Variants in RIGI observed in about 807,000 individuals in gnomAD.
The protein encoded by RIGI is RNA sensor RIG-I.
chr9:32,498,989 A>G, the RIGI span, among the ~76,000 whole-genome samples: 114 of 151,214 alleles, frequency 7.5e-4, no homozygotes, highest in Non-Finnish European at 1.3e-3. Flanking sequence ...TCTCAAAAAA[A>G]AAAAAAAAAA....
At chr9:32,457,575 T>C in the RIGI span, among the ~76,000 whole-genome samples, 1 of 151,130 alleles carries the variant, frequency 6.6e-6, no homozygotes, top group Non-Finnish European at 1.5e-5. Context: ...AAAAAATAGA[T>C]TCACCCAAAG....
the RIGI span, among the ~76,000 whole-genome samples, chr9:32,506,760 G>A: frequency 2.0e-5 from 3 of 152,020 alleles, no homozygotes; most frequent in Non-Finnish European, 4.4e-5. Context: ...AGTAATTTGG[G>A]GGAATTTTGT....
chr9:32,504,553 C>G, the RIGI span, among the ~76,000 whole-genome samples: 1 of 151,720 alleles, frequency 6.6e-6, no homozygotes, highest in Admixed American at 6.6e-5. Context: ...TGGCCAGTGC[C>G]TATAATCCCA....
the RIGI span, among the ~76,000 whole-genome samples, chr9:32,492,047 G>A: frequency 6.6e-6 from 1 of 152,186 alleles, no homozygotes; most frequent in African/African-American, 2.4e-5. Flanking sequence ...AAGGGGGTAA[G>A]TCCTGGAGTT....
At chr9:32,482,793 A>G in the RIGI span, among the ~76,000 whole-genome samples, 6 of 151,906 alleles carry the variant, frequency 3.9e-5, no homozygotes, top group Admixed American at 1.3e-4. Context: ...CAGGAGACGG[A>G]GGTTGCAGTG....
the RIGI span, among the ~76,000 whole-genome samples, chr9:32,494,893 T>G: frequency 6.6e-6 from 1 of 152,308 alleles, no homozygotes; most frequent in Middle Eastern, 3.4e-3. Flanking sequence ...CCATTGTATG[T>G]GTATATCACA....
the RIGI span, among the ~76,000 whole-genome samples, chr9:32,519,672 A>C: frequency 3.9e-5 from 6 of 152,180 alleles, no homozygotes; most frequent in Admixed American, 3.9e-4. Flanking sequence ...ATGGGTACAA[A>C]GTCTTAATAT....
the RIGI span, among the ~76,000 whole-genome samples, chr9:32,469,651 T>C: frequency 6.6e-6 from 1 of 152,102 alleles, no homozygotes; most frequent in South Asian, 2.1e-4. Flanking sequence ...AAAGAAAGGA[T>C]CTTGACTAAG....
At chr9:32,491,229 A>G in the RIGI span, 1 of 1,540,666 alleles carries the variant, frequency 6.5e-7, no homozygotes. Context: ...GACTTTGGGT[A>G]CTGCAAAACA....
the RIGI span, chr9:32,489,334 A>C: frequency 6.3e-7 from 1 of 1,588,400 alleles, no homozygotes; most frequent in Non-Finnish European, 8.6e-7. Context: ...AGTAATGGCA[A>C]TAGGCTTACC....
At chr9:32,472,021 G>C in the RIGI span, among the ~76,000 whole-genome samples, 1 of 152,102 alleles carries the variant, frequency 6.6e-6, no homozygotes, top group African/African-American at 2.4e-5. Flanking sequence ...ACTGAGGGGT[G>C]GGGGGCACAG....
the RIGI span, among the ~76,000 whole-genome samples, chr9:32,458,889 C>CTTTTTTTT: frequency 2.4e-5 from 3 of 125,032 alleles, no homozygotes; most frequent in Non-Finnish European, 3.3e-5. Context: ...TTTAGCATGA[C>CTTTTTTTT]TTTTTTTTTT....
chr9:32,499,311 G>GTTTTTTTTTTTTTTTTTTTTTT, the RIGI span, among the ~76,000 whole-genome samples: 4 of 81,134 alleles, frequency 4.9e-5, no homozygotes, highest in Non-Finnish European at 6.9e-5. Flanking sequence ...CAGAGTTTGT[G>GTTTTTTTTTTTTTTTTTTTTTT]ATTTGTTTTT....
chr9:32,485,028 G>T, the RIGI span: 1 of 560,592 alleles, frequency 1.8e-6, no homozygotes, highest in African/African-American at 1.9e-5. Context: ...GGACATATAA[G>T]GCTCCTAAAT....
chr9:32,493,486 T>C, the RIGI span, among the ~76,000 whole-genome samples: 2 of 150,298 alleles, frequency 1.3e-5, no homozygotes, highest in East Asian at 1.9e-4. Flanking sequence ...TAGCTGGGCA[T>C]GGTAGCACGC....
chr9:32,481,799 G>C, the RIGI span, among the ~76,000 whole-genome samples: 5 of 152,072 alleles, frequency 3.3e-5, no homozygotes, highest in East Asian at 3.9e-4. Context: ...TTGTCAAGCT[G>C]GTTTCAAACT....
At chr9:32,460,658 T>TA in the RIGI span, among the ~76,000 whole-genome samples, 1 of 151,392 alleles carries the variant, frequency 6.6e-6, no homozygotes. Context: ...ACAACCAAAA[T>TA]AAAAAGTTCA....
At chr9:32,482,385 T>C in the RIGI span, among the ~76,000 whole-genome samples, 6 of 152,154 alleles carry the variant, frequency 3.9e-5, no homozygotes, top group Non-Finnish European at 8.8e-5. Flanking sequence ...AGCAAGTACG[T>C]GGAGAAAGGG....
the RIGI span, among the ~76,000 whole-genome samples, chr9:32,494,989 T>C: frequency 6.6e-6 from 1 of 152,212 alleles, no homozygotes; most frequent in African/African-American, 2.4e-5. Flanking sequence ...TCAACATGGA[T>C]GTGCAAATAT....
Sources: allele counts gnomAD v4.1 joint callset (sites outside exome capture counted in the v4.1 genomes callset), GRCh38; gene constraint gnomAD v4.1.1; transcripts MANE v1.5; gene names NCBI Gene and HGNC (gene_info 2026-07-23, HGNC 2026-07-21).